Variants in KHDC1 observed in about 807,000 individuals in gnomAD.
KHDC1 encodes KH homology domain-containing protein 1.
A neutral mutation model predicts 24.7 loss-of-function variants in KHDC1; 21 were observed. The ratio of observed to expected loss-of-function variants is 0.85; its 90% CI spans 0.60 to 1.23. The LOEUF (loss-of-function observed/expected upper bound fraction) is 1.23. Ranked by LOEUF, KHDC1 falls within the 50% of genes most tolerant of loss-of-function variation. The pLI is 0.00. For synonymous variants in KHDC1, 98 were observed against 111.7 expected (o/e 0.88, Z 0.77); for missense variants, 274 against 298.5 (o/e 0.92, Z 0.61).
At chr6:73,250,071 A>G (rs1766751458) in intron 2 of KHDC1, among the ~76,000 whole-genome samples, 1 of 152,226 alleles carries the variant, frequency 6.6e-6, no homozygotes, top group African/African-American at 2.4e-5. Flanking sequence ...TATGGGTTTC[A>G]TTTAGCATGG....
intron 4 of KHDC1, 56 bp downstream of exon 3, chr6:73,241,999 C>T: frequency 1.9e-6 from 3 of 1,546,862 alleles, no homozygotes; most frequent in Non-Finnish European, 2.6e-6. Flanking sequence ...TGCTACACAA[C>T]TTAGCCAGAA....
intron 2 of KHDC1, among the ~76,000 whole-genome samples, chr6:73,245,699 G>T (rs1766652288): frequency 6.6e-6 from 1 of 152,056 alleles, no homozygotes; most frequent in South Asian, 2.1e-4. Context: ...GTTTATTATT[G>T]TTAAAAGGCA....
chr6:73,281,133 C>G (rs1328614694), intron 2 of KHDC1, among the ~76,000 whole-genome samples: 1 of 152,020 alleles, frequency 6.6e-6, no homozygotes, highest in Non-Finnish European at 1.5e-5. Context: ...CACCTGAGAT[C>G]AGGAGTTTGA....
chr6:73,281,573 C>G (rs972217234), intron 2 of KHDC1, among the ~76,000 whole-genome samples: 5 of 146,972 alleles, frequency 3.4e-5, no homozygotes, highest in African/African-American at 1.3e-4. Context: ...GCCAAGATCG[C>G]GCCATTGCAC....
chr6:73,289,897 G>A (rs1293037432), intron 2 of KHDC1, among the ~76,000 whole-genome samples: 1 of 151,768 alleles, frequency 6.6e-6, no homozygotes, highest in East Asian at 1.9e-4. Context: ...TCAGGAGATC[G>A]AGACCATCCT....
At chr6:73,281,999 C>T (rs545974589) in intron 2 of KHDC1, among the ~76,000 whole-genome samples, 4 of 152,042 alleles carry the variant, frequency 2.6e-5, no homozygotes, top group Non-Finnish European at 5.9e-5. Flanking sequence ...GGGTGGATCA[C>T]TTGAGGCTGG....
At chr6:73,309,669 C>G (rs1332436720) in exon 1 of KHDC1, 10 of 1,550,048 alleles carry the variant, frequency 6.5e-6, no homozygotes, top group Non-Finnish European at 8.7e-6. Context: ...GAGACTGTTT[C>G]AATCACAAAT....
intron 1 of KHDC1, among the ~76,000 whole-genome samples, chr6:73,297,224 C>A (rs1292970835): frequency 6.6e-6 from 1 of 152,080 alleles, no homozygotes; most frequent in East Asian, 1.9e-4. Context: ...TTTTTTAACA[C>A]TGTATACAAT....
At chr6:73,298,422 A>ATTTTTTTTTT (rs1562260419) in intron 1 of KHDC1, among the ~76,000 whole-genome samples, 1 of 115,046 alleles carries the variant, frequency 8.7e-6, no homozygotes, top group Non-Finnish European at 1.6e-5. Context: ...ATACTTTGCA[A>ATTTTTTTTTT]ATTTTTTTTT....
At chr6:73,298,423 A>ATTTTTTTTTTTT (rs370446904) in intron 1 of KHDC1, among the ~76,000 whole-genome samples, 8 of 59,956 alleles carry the variant, frequency 1.3e-4, no homozygotes, top group African/African-American at 6.0e-4. Context: ...TACTTTGCAA[A>ATTTTTTTTTTTT]TTTTTTTTTT....
chr6:73,292,523 G>T (rs910458441), intron 1 of KHDC1: 4 of 769,146 alleles, frequency 5.2e-6, no homozygotes, highest in African/African-American at 5.1e-5. Context: ...AGACATGGAA[G>T]ACCTTACATG....
intron 1 of KHDC1, chr6:73,299,636 G>T (rs1767828687): frequency 6.6e-6 from 1 of 152,602 alleles, no homozygotes; most frequent in African/African-American, 2.4e-5. Context: ...GGATGCAGGG[G>T]CGGAGGGGGC....
chr6:73,297,246 G>T (rs1227515205), intron 1 of KHDC1, among the ~76,000 whole-genome samples: 2 of 151,994 alleles, frequency 1.3e-5, no homozygotes, highest in Non-Finnish European at 2.9e-5. Flanking sequence ...CACACAGTTT[G>T]CACCTTTTTT....
chr6:73,281,266 G>A (rs1043023374), intron 2 of KHDC1, among the ~76,000 whole-genome samples: 1 of 151,838 alleles, frequency 6.6e-6, no homozygotes, highest in African/African-American at 2.4e-5. Context: ...TTGAACCTGG[G>A]AGGCAGAGGT....
At chr6:73,253,116 G>GAAAAGACCAATCAGTGA (rs1341329533) in intron 2 of KHDC1, among the ~76,000 whole-genome samples, 1 of 152,100 alleles carries the variant, frequency 6.6e-6, no homozygotes, top group African/African-American at 2.4e-5. Flanking sequence ...ACTAATGCAT[G>GAAAAGACCAATCAGTGA]AAAAGACCAA....
At chr6:73,246,001 T>C (rs1211545473) in intron 2 of KHDC1, among the ~76,000 whole-genome samples, 4 of 152,244 alleles carry the variant, frequency 2.6e-5, no homozygotes, top group South Asian at 2.1e-4. Context: ...TATTGGACTT[T>C]GAATGAATCT....
At chr6:73,283,338 T>TA (rs1767449833) in intron 2 of KHDC1, among the ~76,000 whole-genome samples, 7 of 130,186 alleles carry the variant, frequency 5.4e-5, no homozygotes, top group African/African-American at 8.4e-5. Flanking sequence ...TTTTTTTTTT[T>TA]TAAAAAGAAG....
chr6:73,297,898 A>T (rs1767784296), intron 1 of KHDC1, among the ~76,000 whole-genome samples: 2 of 152,250 alleles, frequency 1.3e-5, no homozygotes, highest in South Asian at 4.2e-4. Context: ...CTGCACTGAA[A>T]TTCTGGCCTA....
intron 1 of KHDC1, chr6:73,292,324 TG>T (rs1767670389): frequency 1.0e-6 from 1 of 963,060 alleles, no homozygotes; most frequent in African/African-American, 1.6e-5. Flanking sequence ...CGGACAAGCA[TG>T]GTTTTAGGCA....
Sources: allele counts gnomAD v4.1 joint callset (sites outside exome capture counted in the v4.1 genomes callset), GRCh38; gene constraint gnomAD v4.1.1; transcripts MANE v1.5; gene names NCBI Gene and HGNC (gene_info 2026-07-23, HGNC 2026-07-21).